Variants in DAAM1 observed in about 807,000 individuals in gnomAD.
DAAM1 encodes the protein disheveled-associated activator of morphogenesis 1.
Under a neutral mutation model 130.0 loss-of-function variants are expected in DAAM1, and 52 were observed. That is an observed-to-expected ratio of 0.40 (90% CI 0.32 to 0.50). DAAM1 has a LOEUF of 0.50. Among genes scored for constraint, DAAM1 ranks in the 20% least tolerant of loss-of-function variants. The pLI is 0.61. For synonymous variants in DAAM1, 452 were observed against 444.5 expected, an observed-to-expected ratio of 1.02 and a Z score of -0.21; for missense variants, 1,134 against 1,303.8, an observed-to-expected ratio of 0.87 and a Z score of 2.01.
intron 1 of DAAM1, among the ~76,000 whole-genome samples, chr14:59,222,761 A>G (rs1888818184): frequency 6.6e-6 from 1 of 152,220 alleles, no homozygotes; most frequent in African/African-American, 2.4e-5. Context: ...GCCCATTCAG[A>G]ATGGTCTGTC....
chr14:59,257,950 C>A (rs1326185622), intron 1 of DAAM1, among the ~76,000 whole-genome samples: 1 of 152,190 alleles, frequency 6.6e-6, no homozygotes, highest in Non-Finnish European at 1.5e-5. Context: ...GAGAGGCCAT[C>A]CCTGATCATA....
At chr14:59,198,098 C>A (rs1887964146) in intron 1 of DAAM1, among the ~76,000 whole-genome samples, 1 of 152,122 alleles carries the variant, frequency 6.6e-6, no homozygotes. Flanking sequence ...CTCTTCAGGC[C>A]AGGAATTCCT....
intron 2 of DAAM1, among the ~76,000 whole-genome samples, chr14:59,270,063 ATATTTTGC>A (rs1882641799): frequency 6.6e-6 from 1 of 152,212 alleles, no homozygotes; most frequent in African/African-American, 2.4e-5. Context: ...GTACATCAAA[ATATTTTGC>A]TATCTGGTTA....
At chr14:59,242,611 T>A (rs541221587) in intron 1 of DAAM1, among the ~76,000 whole-genome samples, 1 of 152,246 alleles carries the variant, frequency 6.6e-6, no homozygotes, top group Admixed American at 6.5e-5. Flanking sequence ...CAGGCTGGAG[T>A]GCAGTGGCGT....
intron 2 of DAAM1, among the ~76,000 whole-genome samples, chr14:59,287,677 A>T (rs772056798): frequency 6.6e-6 from 1 of 152,202 alleles, no homozygotes; most frequent in Non-Finnish European, 1.5e-5. Context: ...TCCACTTACA[A>T]TAGCTTCAAA....
intron 15 of DAAM1, 74 bp from the exon 16 acceptor site, chr14:59,340,000 G>A: frequency 7.5e-7 from 1 of 1,334,784 alleles, no homozygotes; most frequent in Non-Finnish European, 1.1e-6. Flanking sequence ...GAACAACAAT[G>A]TAAAGGAAAG....
intron 2 of DAAM1, among the ~76,000 whole-genome samples, chr14:59,276,831 A>T (rs1882989985): frequency 6.6e-6 from 1 of 152,110 alleles, no homozygotes; most frequent in Admixed American, 6.5e-5. Flanking sequence ...ACAAATAGCG[A>T]GTTGATTGGC....
intron 1 of DAAM1, among the ~76,000 whole-genome samples, chr14:59,204,375 C>A (rs1888197702): frequency 6.6e-6 from 1 of 152,184 alleles, no homozygotes; most frequent in South Asian, 2.1e-4. Context: ...ACATTCTGTT[C>A]CACATGGCCC....
chr14:59,204,118 A>G (rs1178869498), intron 1 of DAAM1, among the ~76,000 whole-genome samples: 1 of 152,218 alleles, frequency 6.6e-6, no homozygotes, highest in Admixed American at 6.5e-5. Context: ...TATTAGTTTT[A>G]TTACTGCATA....
rs150333289 is a variant in DAAM1 at position 59,291,292 on chromosome 14, T to A, written c.259T>A (p.Cys87Ser). ...AGCTGAGAAAAAATGGCAAATATAC[T>A]GTAGCAAGAAAAAGGTAAGATTTTC... ...LPAEKKWQIY[C>S]SKKKDQEENK... The change falls in exon 3 of 25, where the codon TGT becomes AGT. Residue 87 changes from cysteine to serine, a missense_variant. Coordinates refer to ENST00000360909, the MANE Select transcript of DAAM1 (RefSeq NM_001270520.2). 1.2e-6 allele frequency: 2 copies of A among 1,608,628 alleles called. No individual in the cohort carries two copies. Among genetic ancestry groups the A allele is most frequent in the Middle Eastern group, 1.7e-4 (1 of 6,044 alleles).
At chr14:59,206,982 G>T (rs577276691) in intron 1 of DAAM1, among the ~76,000 whole-genome samples, 7 of 152,226 alleles carry the variant, frequency 4.6e-5, no homozygotes, top group Non-Finnish European at 1.0e-4. Context: ...TAGATAGTTG[G>T]TGCTAAAGAA....
Position 59,350,112 on chromosome 14 carries a change from G to A in DAAM1, c.2161-2414G>A, listed in dbSNP as rs544770602. On this transcript the variant is annotated intron_variant, in intron 17 of 24. Coordinates refer to ENST00000360909, the MANE Select transcript of DAAM1 (RefSeq NM_001270520.2). ...AAGATACATCCTGAACAGTGTCACC[G>A]TTTGAACTCAGGAACAGAAATGCCT... Among the ~76,000 whole-genome samples the A allele has an allele frequency of 9.2e-5, 14 of 152,136 alleles. No homozygotes were observed. In the South Asian group the frequency reaches 2.3e-3, roughly 25 times the overall value.
At chr14:59,189,979 C>G (rs1172961521) in intron 1 of DAAM1, among the ~76,000 whole-genome samples, 1 of 152,122 alleles carries the variant, frequency 6.6e-6, no homozygotes, top group Non-Finnish European at 1.5e-5. Context: ...TCTTGAGATT[C>G]GAGCAGGACC....
At chr14:59,340,328 G>A in intron 16 of DAAM1, 148 bp downstream of exon 16, 1 of 682,948 alleles carries the variant, frequency 1.5e-6, no homozygotes, top group Non-Finnish European at 2.4e-6. Flanking sequence ...AACAGCTCTT[G>A]GTGCTTACTT....
At chr14:59,225,978 G>A (rs918852547) in intron 1 of DAAM1, among the ~76,000 whole-genome samples, 7 of 152,056 alleles carry the variant, frequency 4.6e-5, no homozygotes, top group African/African-American at 1.4e-4. Context: ...CAAGCCCTAC[G>A]ACATTGGGGC....
chr14:59,305,056 G>C (rs1884320483), intron 3 of DAAM1, among the ~76,000 whole-genome samples: 1 of 152,188 alleles, frequency 6.6e-6, no homozygotes, highest in Non-Finnish European at 1.5e-5. Context: ...TACAAATGTG[G>C]TAGCAAGATG....
At chr14:59,311,160 A>G (rs1300056529) in intron 3 of DAAM1, among the ~76,000 whole-genome samples, 1 of 152,360 alleles carries the variant, frequency 6.6e-6, no homozygotes, top group African/African-American at 2.4e-5. Context: ...TTTTTGTCAC[A>G]CAAATTTCTA....
chr14:59,348,394 C>A (rs1051785112), intron 17 of DAAM1, among the ~76,000 whole-genome samples: 1 of 151,802 alleles, frequency 6.6e-6, no homozygotes, highest in African/African-American at 2.4e-5. Context: ...GTTGATCTCG[C>A]ACATATTCTA....
intron 2 of DAAM1, among the ~76,000 whole-genome samples, chr14:59,267,894 G>C (rs112022196): frequency 0.072 from 8,109 of 112,742 alleles, 353 homozygotes; most frequent in Non-Finnish European, 0.1. Context: ...GTGGATATAC[G>C]CCCCCCCCTT....
Sources: allele counts gnomAD v4.1 joint callset (sites outside exome capture counted in the v4.1 genomes callset), GRCh38; gene constraint gnomAD v4.1.1; transcripts MANE v1.5; gene names NCBI Gene and HGNC (gene_info 2026-07-23, HGNC 2026-07-21).